CPQ: variants seen among roughly 807,000 people sequenced by gnomAD.
The protein encoded by CPQ is carboxypeptidase Q, also known as Ser-Met dipeptidase.
CPQ carries 37 observed loss-of-function variants against 45.7 expected under a neutral mutation model. The observed-to-expected ratio is 0.81, with a 90% CI of 0.62 to 1.07. The LOEUF is 1.07. Ranked by LOEUF, CPQ falls within the 50% of genes least tolerant of loss-of-function variation. The pLI, the probability that CPQ is intolerant of heterozygous loss-of-function variation, is 0.00. For missense variants in CPQ, 537 were observed against 572.9 expected, an observed-to-expected ratio of 0.94 and a Z score of 0.64; for synonymous variants, 186 against 205.8, an observed-to-expected ratio of 0.90 and a Z score of 0.82.
intron 1 of CPQ, among the ~76,000 whole-genome samples, chr8:96,719,040 C>T (rs568486110): frequency 5.3e-5 from 8 of 152,360 alleles, no homozygotes; most frequent in East Asian, 1.9e-4. Flanking sequence ...GATCCCGCAC[C>T]GGGGCTGCAG....
rs1385266424 is a variant in CPQ at position 96,799,218 on chromosome 8, A to G, written c.433+13888A>G. Among the ~76,000 whole-genome samples the G allele has an allele frequency of 2.0e-5, 3 of 152,322 alleles. No individual in the cohort carries two copies. The East Asian group carries it at 5.8e-4, about 29-fold the overall frequency. On this transcript the variant is annotated intron_variant, in intron 2 of 7. Transcript: ENST00000220763. ...TCTGGAAACTTAAGCAGCACAGATAAAGTCTGGGAAGCTACAGCCTAAACT... is the reference window on the plus strand; with the variant it reads ...TCTGGAAACTTAAGCAGCACAGATAGAGTCTGGGAAGCTACAGCCTAAACT...
chr8:96,776,352 G>A (rs1028652627), intron 1 of CPQ, among the ~76,000 whole-genome samples: 1 of 152,160 alleles, frequency 6.6e-6, no homozygotes, highest in Non-Finnish European at 1.5e-5. Flanking sequence ...AGTGAATCCT[G>A]TTCAGGAATG....
chr8:97,094,532 C>G (rs975078164), intron 7 of CPQ, among the ~76,000 whole-genome samples: 2 of 152,054 alleles, frequency 1.3e-5, no homozygotes, highest in African/African-American at 4.8e-5. Context: ...CCATGTCCTC[C>G]CCTGCTCAGC....
At chr8:96,659,103 C>T (rs999583610) in intron 1 of CPQ, among the ~76,000 whole-genome samples, 2 of 152,118 alleles carry the variant, frequency 1.3e-5, no homozygotes, top group Non-Finnish European at 2.9e-5. Flanking sequence ...TTAGTATTAG[C>T]CACTATTATT....
intron 4 of CPQ, among the ~76,000 whole-genome samples, chr8:96,896,797 A>G (rs2130893625): frequency 6.6e-6 from 1 of 152,330 alleles, no homozygotes; most frequent in African/African-American, 2.4e-5. Context: ...TTTAAAGAAC[A>G]TAAATGAATG....
intron 2 of CPQ, among the ~76,000 whole-genome samples, chr8:96,790,609 G>T (rs1428198918): frequency 1.3e-5 from 2 of 152,114 alleles, no homozygotes; most frequent in Non-Finnish European, 2.9e-5. Context: ...TGGAGAGAAA[G>T]CTCTTACGTT....
chr8:96,818,117 T>C (rs1042696116), intron 2 of CPQ, among the ~76,000 whole-genome samples: 1 of 151,934 alleles, frequency 6.6e-6, no homozygotes, highest in Non-Finnish European at 1.5e-5. Context: ...AGGTTATTAA[T>C]TGGCCTAATT....
intron 1 of CPQ, among the ~76,000 whole-genome samples, chr8:96,667,200 G>A (rs1002405200): frequency 2.6e-5 from 4 of 152,040 alleles, no homozygotes; most frequent in Non-Finnish European, 4.4e-5. Flanking sequence ...GTCACTTCAC[G>A]TTCCTCCTCT....
chr8:96,970,814 C>T (rs937506282), intron 5 of CPQ, among the ~76,000 whole-genome samples: 67 of 152,224 alleles, frequency 4.4e-4, no homozygotes, highest in African/African-American at 1.5e-3. Flanking sequence ...CCGCCCGCCT[C>T]GGCCTCCCAA....
chr8:96,948,225 C>T (rs981307294), intron 4 of CPQ, among the ~76,000 whole-genome samples: 6 of 152,014 alleles, frequency 3.9e-5, no homozygotes, highest in African/African-American at 1.4e-4. Context: ...AGTGGCCAGA[C>T]CTGTGTTCAG....
At chr8:96,704,103 C>A (rs1242471557) in intron 1 of CPQ, among the ~76,000 whole-genome samples, 6 of 152,120 alleles carry the variant, frequency 3.9e-5, no homozygotes, top group Admixed American at 3.3e-4. Flanking sequence ...TAAGACAAAG[C>A]CCCTACCCTT....
chr8:97,085,012 A>G (rs762702796), intron 7 of CPQ, among the ~76,000 whole-genome samples: 2 of 151,904 alleles, frequency 1.3e-5, no homozygotes, highest in Non-Finnish European at 2.9e-5. Flanking sequence ...TCTAAACACT[A>G]TTTAGTTCTG....
At chr8:97,039,881 A>C (rs946602308) in intron 6 of CPQ, among the ~76,000 whole-genome samples, 8 of 151,290 alleles carry the variant, frequency 5.3e-5, no homozygotes, top group Admixed American at 4.6e-4. Context: ...CCAGTCTATC[A>C]TTGTTGGACA....
intron 4 of CPQ, among the ~76,000 whole-genome samples, chr8:96,933,516 T>C (rs73279852): frequency 0.032 from 4,849 of 152,264 alleles, 271 homozygotes; most frequent in African/African-American, 0.11. Flanking sequence ...AAGTTGTGTT[T>C]AATTCAGAGG....
chr8:96,979,293 T>A (rs1813845646), intron 5 of CPQ, among the ~76,000 whole-genome samples: 1 of 152,162 alleles, frequency 6.6e-6, no homozygotes, highest in South Asian at 2.1e-4. Context: ...GATATCACAT[T>A]GACTATTTTA....
chr8:96,964,173 T>TACACACACACACACACACACACAC (rs71267285), intron 4 of CPQ, among the ~76,000 whole-genome samples: 2 of 133,404 alleles, frequency 1.5e-5, no homozygotes, highest in African/African-American at 5.7e-5. Flanking sequence ...GGTTAAAGTA[T>TACACACACACACACACACACACAC]ACACACACAC....
intron 7 of CPQ, among the ~76,000 whole-genome samples, chr8:97,103,072 A>G (rs1033994241): frequency 2.6e-5 from 4 of 152,046 alleles, no homozygotes; most frequent in East Asian, 1.9e-4. Context: ...CTCTTCTCCA[A>G]CTACCTCCTG....
At chr8:96,763,405 T>C (rs763548248) in intron 1 of CPQ, among the ~76,000 whole-genome samples, 1 of 152,170 alleles carries the variant, frequency 6.6e-6, no homozygotes, top group Non-Finnish European at 1.5e-5. Flanking sequence ...CATATAAATA[T>C]GGGTTGATTT....
intron 3 of CPQ, among the ~76,000 whole-genome samples, chr8:96,857,191 G>T (rs1319412616): frequency 6.6e-6 from 1 of 152,196 alleles, no homozygotes; most frequent in East Asian, 1.9e-4. Context: ...AAATTTAGCA[G>T]CAGATAGTGC....
Sources: gnomAD v4.1 joint callset for allele counts (sites outside exome capture counted in the v4.1 genomes callset) on GRCh38, gnomAD v4.1.1 for gene constraint, MANE v1.5 for transcripts, NCBI Gene and HGNC (gene_info 2026-07-23, HGNC 2026-07-21) for gene names.